The following DLG2 variants were observed in gnomAD, a reference collection of about 807,000 sequenced individuals.
DLG2 encodes the protein disks large homolog 2.
DLG2 carries 45 observed loss-of-function variants against 132.5 expected under a neutral mutation model. That is an observed-to-expected ratio of 0.34 (90% CI 0.27 to 0.44). The LOEUF (loss-of-function observed/expected upper bound fraction) is 0.44, where lower values mean the gene tolerates loss of function less well. Ranked by LOEUF, DLG2 falls within the 20% of genes least tolerant of loss-of-function variation. The probability of loss-of-function intolerance (pLI) is 1.00; values close to 1 mark genes in which losing one functional copy is unlikely to be tolerated. For missense variants in DLG2, 1,045 were observed against 1,196.9 expected (o/e 0.87, Z 1.87); for synonymous variants, 424 against 419.6 (o/e 1.01, Z -0.13).
intron 8 of DLG2, among the ~76,000 whole-genome samples, chr11:84,222,970 A>G (rs1248236413): frequency 6.6e-6 from 1 of 152,230 alleles, no homozygotes; most frequent in East Asian, 1.9e-4. Context: ...TCATGTTTGC[A>G]TAAGAGCAAC....
chr11:85,577,447 A>G (rs1457328000), intron 3 of DLG2, among the ~76,000 whole-genome samples: 2 of 152,128 alleles, frequency 1.3e-5, no homozygotes, highest in Admixed American at 1.3e-4. Context: ...AAACTGGATA[A>G]ATGATGATAT....
chr11:83,874,156 AAGAAAG>A (rs1565441404), intron 16 of DLG2, among the ~76,000 whole-genome samples: 2 of 150,712 alleles, frequency 1.3e-5, no homozygotes, highest in Non-Finnish European at 2.9e-5. Flanking sequence ...GAAGGAAAGA[AAGAAAG>A]ATAGAAAGAG....
intron 7 of DLG2, among the ~76,000 whole-genome samples, chr11:84,502,185 T>C (rs1161605037): frequency 9.4e-5 from 2 of 21,280 alleles, no homozygotes; most frequent in Non-Finnish European, 2.3e-4. Flanking sequence ...TTTCTCTCTC[T>C]TTCTCTCTCT....
intron 3 of DLG2, among the ~76,000 whole-genome samples, chr11:85,569,221 G>A (rs559677571): frequency 5.3e-5 from 8 of 152,092 alleles, no homozygotes; most frequent in East Asian, 1.9e-4. Context: ...TAGTAGAGAC[G>A]AGGTTTTGCC....
At chr11:85,159,456 G>T (rs1349706310) in intron 4 of DLG2, among the ~76,000 whole-genome samples, 1 of 152,194 alleles carries the variant, frequency 6.6e-6, no homozygotes, top group Non-Finnish European at 1.5e-5. Context: ...AAACAATATT[G>T]CATCCCTGGA....
intron 7 of DLG2, among the ~76,000 whole-genome samples, chr11:84,260,708 C>T (rs75129374): frequency 0.066 from 9,999 of 152,190 alleles, 322 homozygotes; most frequent in Middle Eastern, 0.083. Flanking sequence ...TAAACAGAGG[C>T]ACAGAATGAT....
intron 12 of DLG2, among the ~76,000 whole-genome samples, chr11:83,979,717 A>G (rs567101581): frequency 6.6e-6 from 1 of 152,264 alleles, no homozygotes; most frequent in South Asian, 2.1e-4. Flanking sequence ...CATGTAGCAG[A>G]ACTCAGATTA....
At chr11:85,044,272 T>C (rs1298236399) in intron 6 of DLG2, among the ~76,000 whole-genome samples, 9 of 152,084 alleles carry the variant, frequency 5.9e-5, no homozygotes, top group African/African-American at 2.2e-4. Context: ...CATAATTGCC[T>C]ATTAACTTTT....
chr11:83,746,726 T>TA lies in DLG2; in HGVS notation c.1825+39963dup, dbSNP rs557628095. Among the ~76,000 whole-genome samples the TA allele has an allele frequency of 2.6e-4, 39 of 151,544 alleles. No homozygotes were observed. The South Asian group carries it at 5.8e-3, about 23-fold the overall frequency. The stretch of plus-strand genomic sequence containing the variant: ...ATGTACCCTAGAACTTAAAGTATAA[T>TA]AAAAAAAAAGTTTGTAATACTACAC... On this transcript the variant is annotated intron_variant, in intron 18 of 27. Coordinates refer to ENST00000376104, the MANE Select transcript of DLG2 (RefSeq NM_001142699.3).
At chr11:84,200,167 T>C (rs979268147) in intron 8 of DLG2, among the ~76,000 whole-genome samples, 4 of 152,062 alleles carry the variant, frequency 2.6e-5, no homozygotes, top group African/African-American at 9.7e-5. Flanking sequence ...AAGGAAAAAT[T>C]AGTCAAATTA....
At chr11:84,870,898 C>T (rs1470089973) in intron 6 of DLG2, among the ~76,000 whole-genome samples, 1 of 152,118 alleles carries the variant, frequency 6.6e-6, no homozygotes, top group Non-Finnish European at 1.5e-5. Flanking sequence ...CAAACAAAAA[C>T]GAAGTGAACT....
chr11:85,485,218 G>C (rs1430158057), intron 3 of DLG2, among the ~76,000 whole-genome samples: 1 of 152,162 alleles, frequency 6.6e-6, no homozygotes, highest in Non-Finnish European at 1.5e-5. Context: ...GGGGAGAGGG[G>C]GGAGGGATAG....
At chr11:83,584,729 G>A (rs756876817) in intron 19 of DLG2, among the ~76,000 whole-genome samples, 15 of 152,252 alleles carry the variant, frequency 9.9e-5, no homozygotes, top group Non-Finnish European at 1.9e-4. Flanking sequence ...GTTCTGTCCT[G>A]GGCCAGCAGC....
Position 83,484,121 on chromosome 11 carries a change from C to G in DLG2, c.2293+8G>C. 1 of 1,608,836 alleles carries G rather than the reference C, an allele frequency of 6.2e-7. No individual in the cohort carries two copies. The highest frequency in any genetic ancestry group is 8.5e-7 in the Non-Finnish European group (1 of 1,175,642). On this transcript the variant is annotated splice_region_variant and intron_variant, in intron 22 of 27. Transcript: ENST00000376104. ...TGCATGTGACATTATCTTTCAGAATCTACTTACGTTCAGGATCACTGGTTT... is the reference window on the plus strand; with the variant it reads ...TGCATGTGACATTATCTTTCAGAATGTACTTACGTTCAGGATCACTGGTTT...
chr11:85,592,745 G>A (rs1410261428), intron 3 of DLG2, among the ~76,000 whole-genome samples: 2 of 152,114 alleles, frequency 1.3e-5, no homozygotes, highest in Admixed American at 1.3e-4. Context: ...GAGCCCAGGA[G>A]TTCAACACCA....
At chr11:83,576,059 T>TA (rs996425432) in intron 19 of DLG2, among the ~76,000 whole-genome samples, 14 of 151,682 alleles carry the variant, frequency 9.2e-5, no homozygotes, top group Admixed American at 3.3e-4. Context: ...ATGAAACATA[T>TA]AAAAAAAATC....
intron 7 of DLG2, among the ~76,000 whole-genome samples, chr11:84,523,901 T>A (rs1033643771): frequency 2.6e-5 from 4 of 152,158 alleles, no homozygotes; most frequent in South Asian, 2.1e-4. Context: ...TTAGAAAAAA[T>A]TCATCATCAT....
At chr11:84,392,751 T>C (rs2098796990) in intron 7 of DLG2, among the ~76,000 whole-genome samples, 1 of 152,222 alleles carries the variant, frequency 6.6e-6, no homozygotes, top group African/African-American at 2.4e-5. Flanking sequence ...TCCAAGTTTT[T>C]GTAGTTACAC....
At chr11:83,515,473 A>T (rs2140163344) in intron 21 of DLG2, among the ~76,000 whole-genome samples, 1 of 152,302 alleles carries the variant, frequency 6.6e-6, no homozygotes, top group Admixed American at 6.5e-5. Context: ...TCAAAAAACA[A>T]GCTCCTGGAT....
Sources: allele counts gnomAD v4.1 joint callset (sites outside exome capture counted in the v4.1 genomes callset), GRCh38; gene constraint gnomAD v4.1.1; transcripts MANE v1.5; gene names NCBI Gene and HGNC (gene_info 2026-07-23, HGNC 2026-07-21).